DCPS: variants seen among roughly 807,000 people sequenced by gnomAD.
The protein encoded by DCPS is m7GpppX diphosphatase.
Under a neutral mutation model 34.7 loss-of-function variants are expected in DCPS, and 27 were observed. The observed-to-expected ratio is 0.78, with a 90% CI of 0.57 to 1.07. DCPS has a LOEUF of 1.07. Ranked by LOEUF, DCPS falls within the 50% of genes least tolerant of loss-of-function variation. DCPS has a pLI of 0.00. For synonymous variants in DCPS, 185 were observed against 185.7 expected, an observed-to-expected ratio of 1.00 and a Z score of 0.03; for missense variants, 464 against 436.9, an observed-to-expected ratio of 1.06 and a Z score of -0.55.
Position 126,330,711 on chromosome 11 carries a change from ATATATATATTTTTTTTTTT to A in DCPS, c.377-692_377-674del, listed in dbSNP as rs1490458603. On this transcript the variant is annotated intron_variant, in intron 2 of 5. Transcript: ENST00000263579. ...ACCATATATATATATATATATATAT[ATATATATATTTTTTTTTTT>A]TTTTTTTTTTTTTTTTTTTTTTTGA... Among the ~76,000 whole-genome samples, 10 of 25,402 alleles carry A rather than the reference ATATATATATTTTTTTTTTT, an allele frequency of 3.9e-4. No homozygotes were observed. In the South Asian group the frequency reaches 0.018, roughly 46 times the overall value. 16.7% of individuals were successfully genotyped at this position (25,402 alleles called of 152,430 possible).
In DCPS at chr11:126,333,725, C is replaced by T. The variant is rs1951809369; in HGVS notation, c.522+2175C>T. Among the ~76,000 whole-genome samples the T allele has an allele frequency of 6.6e-6, 1 of 152,204 alleles. No homozygotes were observed. Among genetic ancestry groups the T allele is most frequent in the African/African-American group, 2.4e-5 (1 of 41,442 alleles). ...ATGGTAGGCAGGGGCCAGGCGGAGG[C>T]ACGTGGACTTTGTCCAGGGGGCCAG... On this transcript the variant is annotated intron_variant, in intron 3 of 5. Transcript: ENST00000263579. The surrounding 1 kb of genome is among the most constrained non-coding windows in gnomAD (Gnocchi z 5.7).
intron 1 of DCPS, 57 bp downstream of exon 1, chr11:126,304,338 C>T (rs868306182): frequency 1.9e-6 from 3 of 1,581,380 alleles, no homozygotes; most frequent in Non-Finnish European, 2.6e-6. Flanking sequence ...ATCATCGCCT[C>T]GGAGGCAGAT....
intron 2 of DCPS, among the ~76,000 whole-genome samples, chr11:126,321,312 A>G (rs1951705191): frequency 6.6e-6 from 1 of 151,780 alleles, no homozygotes; most frequent in African/African-American, 2.4e-5. Context: ...AAGAGATTCA[A>G]GGTACAGCTG....
At chr11:126,339,308 G>T (rs1207376605) in intron 4 of DCPS, among the ~76,000 whole-genome samples, 1 of 152,182 alleles carries the variant, frequency 6.6e-6, no homozygotes, top group Non-Finnish European at 1.5e-5. Flanking sequence ...TCTGCTTTCG[G>T]TGGGCCCGTC....
At chr11:126,343,199 G>A (rs1565380789) in intron 4 of DCPS, 108 bp from the exon 5 acceptor site, 2 of 819,598 alleles carry the variant, frequency 2.4e-6, no homozygotes, top group African/African-American at 3.4e-5. Flanking sequence ...TCCTGGTGCT[G>A]TAGGCCTCAG....
intron 1 of DCPS, 154 bp downstream of exon 1, chr11:126,304,435 G>A: frequency 2.6e-6 from 2 of 779,314 alleles, no homozygotes; most frequent in South Asian, 1.8e-5. Flanking sequence ...ATAGAGGGGC[G>A]GTGAAAGGCG....
At position 126,342,564 on chromosome 11, in the gene DCPS, T is replaced by TG. The variant is rs1236298458; in HGVS notation, c.637-743_637-742insG. On this transcript the variant is annotated intron_variant, in intron 4 of 5. Transcript: ENST00000263579. This position sits in a 1 kb window ranked among gnomAD's most constrained non-coding sequence, Gnocchi z 4.4. ...ATACCCTTTCTCCAAATTCTACCTT[T>TG]TTTCTAGACCTGATCCTCTGCCTTC... Among the ~76,000 whole-genome samples, 1 of 152,234 alleles carries TG rather than the reference T, an allele frequency of 6.6e-6. No homozygotes were observed. The highest frequency in any genetic ancestry group is 1.5e-5 in the Non-Finnish European group (1 of 68,040).
At chr11:126,304,874 C>T (rs1019766463) in intron 1 of DCPS, among the ~76,000 whole-genome samples, 1 of 152,198 alleles carries the variant, frequency 6.6e-6, no homozygotes, top group East Asian at 1.9e-4. Context: ...CCAATACCAA[C>T]GTGCTCAGCA....
intron 1 of DCPS, 89 bp from the exon 2 acceptor site, chr11:126,306,466 TCCCAAGTATTGGGAA>T: frequency 7.9e-7 from 1 of 1,262,978 alleles, no homozygotes; most frequent in South Asian, 1.8e-5. Context: ...GGGAAGGAAA[TCCCAAGTATTGGGAA>T]TTCAAAGGCC....
At position 126,328,658 on chromosome 11, in the gene DCPS, C is replaced by G. The variant is rs944890462; in HGVS notation, c.377-2747C>G. On this transcript the variant is annotated intron_variant, in intron 2 of 5. Transcript: ENST00000263579. This position sits in a 1 kb window ranked among gnomAD's most constrained non-coding sequence, Gnocchi z 6.6. ...AGCCAGGAGCCCCAGGCTGGGAGCCCGGCTGGGTGACCCTGCCCGCAGAAC... is the reference window on the plus strand; with the variant it reads ...AGCCAGGAGCCCCAGGCTGGGAGCCGGGCTGGGTGACCCTGCCCGCAGAAC... Among the ~76,000 whole-genome samples, 1 of 152,060 alleles carries G rather than the reference C, an allele frequency of 6.6e-6. No homozygotes were observed.
At position 126,319,960 on chromosome 11, in the gene DCPS, T is replaced by C. The variant is rs1395778107; in HGVS notation, c.377-11445T>C. On this transcript the variant is annotated intron_variant, in intron 2 of 5. Coordinates refer to ENST00000263579, the MANE Select transcript of DCPS (RefSeq NM_014026.6). The surrounding 1 kb of genome is among the most constrained non-coding windows in gnomAD (Gnocchi z 4.5). Reference sequence around the variant, plus strand: ...TATGTAAATATATATAACTCCATCATCCAGGATTGATCTCTCTTAACATCT... The same window carrying C: ...TATGTAAATATATATAACTCCATCACCCAGGATTGATCTCTCTTAACATCT... 6.6e-6 allele frequency among the ~76,000 whole-genome samples: 1 copy of C among 151,982 alleles called. No individual in the cohort carries two copies. Among genetic ancestry groups the C allele is most frequent in the African/African-American group, 2.4e-5 (1 of 41,404 alleles).
chr11:126,331,489 C>T lies in DCPS; in HGVS notation c.461C>T (p.Thr154Met), dbSNP rs775806454. Residue 154 changes from threonine (T) to methionine (M), a missense_variant, in exon 3 of 6, where the codon ACG becomes ATG. Physicochemically the swap from Thr to Met is moderately conservative, Grantham distance 81. Coordinates refer to ENST00000263579, the MANE Select transcript of DCPS (RefSeq NM_014026.6). This position sits in a 1 kb window ranked among gnomAD's most constrained non-coding sequence, Gnocchi z 7.2. ...CAGGACCTCCGCCTGATCCGAGAGA[C>T]GGGAGATGACTACAGGAATATTACT... ...LRQDLRLIRE[T>M]GDDYRNITLP... The T allele has an allele frequency of 6.1e-5, 99 of 1,614,000 alleles. No individual in the cohort carries two copies. The highest frequency in any genetic ancestry group is 8.9e-5 in the East Asian group (4 of 44,892).
chr11:126,332,681 G>A lies in DCPS; in HGVS notation c.522+1131G>A, dbSNP rs1255783853. Among the ~76,000 whole-genome samples, 1 of 152,178 alleles carries A rather than the reference G, an allele frequency of 6.6e-6. No homozygotes were observed. The highest frequency in any genetic ancestry group is 1.5e-5 in the Non-Finnish European group (1 of 68,036). On this transcript the variant is annotated intron_variant, in intron 3 of 5. Coordinates refer to ENST00000263579, the MANE Select transcript of DCPS (RefSeq NM_014026.6). This position sits in a 1 kb window ranked among gnomAD's most constrained non-coding sequence, Gnocchi z 5.4. Reference sequence around the variant, plus strand: ...AGTTTCCTTGGGAGACCTGTGTGCCGCCAGCCCCCTTCCCCAGCCTGGTTC... The same window carrying A: ...AGTTTCCTTGGGAGACCTGTGTGCCACCAGCCCCCTTCCCCAGCCTGGTTC...
chr11:126,317,403 T>C (rs1333577086), intron 2 of DCPS, among the ~76,000 whole-genome samples: 2 of 150,708 alleles, frequency 1.3e-5, no homozygotes, highest in African/African-American at 2.4e-5. Flanking sequence ...TTTTGCTCTT[T>C]TTTTTTTTTT....
At position 126,347,795 on chromosome 11, in the gene DCPS, G is replaced by A. The variant is rs1008373430; in HGVS notation, c.*2182G>A. 6.6e-6 allele frequency among the ~76,000 whole-genome samples: 1 copy of A among 152,180 alleles called. No individual in the cohort carries two copies. The highest frequency in any genetic ancestry group is 6.5e-5 in the Admixed American group (1 of 15,270). The stretch of plus-strand genomic sequence containing the variant: ...GGAATGCTCCCTGCGTCTCAGTTGT[G>A]CCCATTCCAGGTCCAGGGGAAAGAA... On this transcript the variant is annotated 3_prime_UTR_variant, in exon 6 of 6. Coordinates refer to ENST00000263579, the MANE Select transcript of DCPS (RefSeq NM_014026.6). The surrounding 1 kb of genome is among the most constrained non-coding windows in gnomAD (Gnocchi z 4.2).
chr11:126,336,435 C>G lies in DCPS; in HGVS notation c.523-1851C>G, dbSNP rs933437073. On this transcript the variant is annotated intron_variant, in intron 3 of 5. Coordinates refer to ENST00000263579, the MANE Select transcript of DCPS (RefSeq NM_014026.6). This position sits in a 1 kb window ranked among gnomAD's most constrained non-coding sequence, Gnocchi z 6.3. The stretch of plus-strand genomic sequence containing the variant: ...GTGTTCTCTGAAAACCTTCACCACC[C>G]TTATGTAGATATCATCAGCCCCATT... 13 of 152,298 alleles carry G rather than the reference C, an allele frequency of 8.5e-5. No homozygotes were observed. Among genetic ancestry groups the G allele is most frequent in the African/African-American group, 2.4e-4 (10 of 41,460 alleles). 9.4% of individuals were successfully genotyped at this position (152,298 alleles called of 1,614,324 possible).
chr11:126,318,967 C>T (rs1565373393), intron 2 of DCPS, among the ~76,000 whole-genome samples: 1 of 152,162 alleles, frequency 6.6e-6, no homozygotes, highest in East Asian at 1.9e-4. Context: ...CTCTAGATAG[C>T]CCTGCCTCCC....
rs570548409 is a variant in DCPS, at chr11:126,344,087, T to C, written c.747+670T>C. Among the ~76,000 whole-genome samples the C allele has an allele frequency of 7.1e-4, 108 of 152,274 alleles. No individual in the cohort carries two copies. The highest frequency in any genetic ancestry group is 5.5e-3 in the Admixed American group (84 of 15,288). On this transcript the variant is annotated intron_variant, in intron 5 of 5. Transcript: ENST00000263579. The surrounding 1 kb of genome is among the most constrained non-coding windows in gnomAD (Gnocchi z 8.1). Reference sequence around the variant, plus strand: ...TTCTAAATCCACCATCCTAAGGGGCTGGGTCTGAGTCTTTTTTCCACTCTG... The same window carrying C: ...TTCTAAATCCACCATCCTAAGGGGCCGGGTCTGAGTCTTTTTTCCACTCTG...
intron 2 of DCPS, among the ~76,000 whole-genome samples, chr11:126,307,946 A>G (rs184739526): frequency 1.6e-4 from 25 of 152,146 alleles, no homozygotes; most frequent in Non-Finnish European, 3.4e-4. Context: ...TGCTCACCAT[A>G]CTCATTCTGT....
Sources: allele counts gnomAD v4.1 joint callset (sites outside exome capture counted in the v4.1 genomes callset), GRCh38; gene constraint gnomAD v4.1.1; non-coding constraint Gnocchi (gnomAD v3.1); transcripts MANE v1.5; gene names NCBI Gene and HGNC (gene_info 2026-07-23, HGNC 2026-07-21).